Variants in VPS13B observed in about 807,000 individuals in gnomAD.
The protein encoded by VPS13B is intermembrane lipid transfer protein VPS13B.
A neutral mutation model predicts 426.4 loss-of-function variants in VPS13B; 285 were observed. That is an observed-to-expected ratio of 0.67 (90% confidence interval 0.61 to 0.74). VPS13B has a LOEUF of 0.74. Ranked by LOEUF, VPS13B falls within the 30% of genes least tolerant of loss-of-function variation. VPS13B has a pLI of 0.00. For synonymous variants in VPS13B, 1,676 were observed against 1,676.4 expected, an observed-to-expected ratio of 1.00 and a Z score of 0.01; for missense variants, 4,537 against 4,782.6, an observed-to-expected ratio of 0.95 and a Z score of 1.51.
At position 99,115,795 on chromosome 8, in the gene VPS13B, T is replaced by C; in HGVS notation, c.858T>C (p.Tyr286=). ...RIMQLGIALY[Y]GEIGNFKEGE... ...TGCAACTTGGAATTGCTCTTTACTA[T>C]GGAGAAATAGGCAATTTTAAAGAAG... The change falls in exon 7 of 62, where the codon TAT becomes TAC. Residue 286 remains tyrosine (Y), a synonymous_variant. Coordinates refer to ENST00000357162, the MANE Select transcript of VPS13B (RefSeq NM_152564.5). The C allele has an allele frequency of 6.2e-7, 1 of 1,613,762 alleles. No homozygotes were observed.
Position 99,875,896 on chromosome 8 carries a change from C to A in VPS13B, c.*230C>A. On this transcript the variant is annotated 3_prime_UTR_variant, in exon 62 of 62. Coordinates refer to ENST00000357162, the MANE Select transcript of VPS13B (RefSeq NM_152564.5). ...AAAGCCTAGGCAGCTCTAACATCAT[C>A]TGATATGGACACAAGGCCAACAGTT... 1.8e-6 allele frequency: 1 copy of A among 570,018 alleles called. No homozygotes were observed. Among genetic ancestry groups the A allele is most frequent in the Non-Finnish European group, 3.1e-6 (1 of 320,984 alleles). The allele number at this position is 570,018 out of a possible 1,614,324, so 35.3% of individuals were successfully genotyped here.
intron 39 of VPS13B, among the ~76,000 whole-genome samples, chr8:99,742,455 A>T (rs138073016): frequency 0.03 from 4,631 of 152,268 alleles, 214 homozygotes; most frequent in African/African-American, 0.1. Flanking sequence ...AAAACAGAGG[A>T]TCCTCCCTAA....
intron 19 of VPS13B, among the ~76,000 whole-genome samples, chr8:99,310,159 T>C (rs1486395130): frequency 6.6e-6 from 1 of 152,192 alleles, no homozygotes. Context: ...CTTTTCCTAA[T>C]TGAATACCCT....
intron 40 of VPS13B, among the ~76,000 whole-genome samples, chr8:99,768,694 A>G (rs1811346475): frequency 6.6e-6 from 1 of 152,184 alleles, no homozygotes; most frequent in African/African-American, 2.4e-5. Context: ...TTACTTTCCT[A>G]ACAGTTTAGC....
At position 99,014,015 on chromosome 8, in the gene VPS13B, T is replaced by C; in HGVS notation, c.147+80T>C. 3 of 1,599,256 alleles carry C rather than the reference T, an allele frequency of 1.9e-6. No homozygotes were observed. In the South Asian group the frequency reaches 3.3e-5, roughly 18 times the overall value. ...AATCTATTGTTTCCTAAGCTTTGAC[T>C]TTATGCTGTAAAAACGTAACTTTTC... On this transcript the variant is annotated intron_variant, in intron 2 of 61. Coordinates refer to ENST00000357162, the MANE Select transcript of VPS13B (RefSeq NM_152564.5).
intron 17 of VPS13B, among the ~76,000 whole-genome samples, chr8:99,267,991 T>C (rs1818397506): frequency 2.6e-5 from 4 of 152,140 alleles, no homozygotes; most frequent in African/African-American, 9.7e-5. Flanking sequence ...CCCGCCATTC[T>C]AGTCATGGGC....
At chr8:99,169,735 A>T (rs1283613963) in intron 15 of VPS13B, among the ~76,000 whole-genome samples, 1 of 152,036 alleles carries the variant, frequency 6.6e-6, no homozygotes, top group Non-Finnish European at 1.5e-5. Context: ...TGTATATTTT[A>T]GCAGATAATA....
intron 3 of VPS13B, among the ~76,000 whole-genome samples, chr8:99,045,263 G>GTAT (rs1843174812): frequency 6.6e-6 from 1 of 152,064 alleles, no homozygotes; most frequent in Admixed American, 6.6e-5. Context: ...GAGTAAGTTG[G>GTAT]TATCACATTG....
intron 43 of VPS13B, among the ~76,000 whole-genome samples, chr8:99,803,172 T>A (rs370644706): frequency 7.2e-5 from 11 of 152,226 alleles, no homozygotes; most frequent in Admixed American, 2.6e-4. Context: ...CATCAATAGG[T>A]ATTACAAGTA....
chr8:99,841,149 C>A (rs1815662433), intron 54 of VPS13B, among the ~76,000 whole-genome samples: 1 of 152,186 alleles, frequency 6.6e-6, no homozygotes, highest in Admixed American at 6.5e-5. Context: ...CCACTGTTTT[C>A]TTTTCATCTC....
At chr8:99,779,064 C>A in intron 42 of VPS13B, 33 bp downstream of exon 42, 1 of 1,580,676 alleles carries the variant, frequency 6.3e-7, no homozygotes, top group Non-Finnish European at 8.7e-7. Flanking sequence ...TACAGTTTGG[C>A]CACATATGAT....
At chr8:99,539,815 G>A (rs1191166536) in intron 30 of VPS13B, among the ~76,000 whole-genome samples, 1 of 150,906 alleles carries the variant, frequency 6.6e-6, no homozygotes, top group Non-Finnish European at 1.5e-5. Context: ...AATAAGTATT[G>A]ATGCTAACTT....
chr8:99,641,893 A>G lies in VPS13B; in HGVS notation c.5303A>G (p.Asp1768Gly), dbSNP rs1829384075. 2 of 1,613,994 alleles carry G rather than the reference A, an allele frequency of 1.2e-6. No individual in the cohort carries two copies. The highest frequency in any genetic ancestry group is 2.7e-5 in the African/African-American group (2 of 74,920). The change falls in exon 34 of 62, where the codon GAT (aspartate) becomes GGT (glycine). Residue 1768 changes from aspartate (D) to glycine (G), a missense_variant. Asp to Gly is a moderately conservative substitution (Grantham distance 94). This residue lies in a region of VPS13B where 4,311 missense variants were observed against 4,474.3 expected (regional missense o/e 0.96). Coordinates refer to ENST00000357162, the MANE Select transcript of VPS13B (RefSeq NM_152564.5). ...TCATCTCGCTACAGTGGTGCTCAGG[A>G]TAGTGGAATTGGCAGTGACAGTGTT... ...ETSSRYSGAQ[D>G]SGIGSDSVKI...
chr8:99,269,910 A>G (rs1476520633), intron 17 of VPS13B, among the ~76,000 whole-genome samples: 2 of 152,052 alleles, frequency 1.3e-5, no homozygotes, highest in Non-Finnish European at 2.9e-5. Context: ...TAACTTTTAT[A>G]TAAAAATCCC....
chr8:99,759,603 C>A (rs1810820277), intron 39 of VPS13B, among the ~76,000 whole-genome samples: 1 of 152,138 alleles, frequency 6.6e-6, no homozygotes, highest in Non-Finnish European at 1.5e-5. Flanking sequence ...TTGCCAACCC[C>A]TTATTCAGTA....
intron 19 of VPS13B, among the ~76,000 whole-genome samples, chr8:99,310,192 T>A (rs1030015316): frequency 3.3e-5 from 5 of 152,192 alleles, no homozygotes; most frequent in African/African-American, 1.2e-4. Flanking sequence ...CCTGCCTGAT[T>A]GCCCTGGCCA....
chr8:99,343,163 G>A (rs1304521625), intron 19 of VPS13B, among the ~76,000 whole-genome samples: 1 of 150,720 alleles, frequency 6.6e-6, no homozygotes, highest in African/African-American at 2.4e-5. Context: ...GCACAATCTC[G>A]GCTCACTGCA....
At chr8:99,421,442 T>C (rs1428966792) in intron 21 of VPS13B, among the ~76,000 whole-genome samples, 2 of 152,172 alleles carry the variant, frequency 1.3e-5, no homozygotes, top group African/African-American at 2.4e-5. Context: ...GTACATTTGA[T>C]AAAACTAGGA....
intron 21 of VPS13B, among the ~76,000 whole-genome samples, chr8:99,401,826 A>G (rs937026318): frequency 6.6e-6 from 1 of 152,206 alleles, no homozygotes. Context: ...AGATCGCGCC[A>G]CTGCACCCAA....
Sources: allele counts gnomAD v4.1 joint callset (sites outside exome capture counted in the v4.1 genomes callset), GRCh38; gene constraint gnomAD v4.1.1; regional missense constraint gnomAD v4.1.1; transcripts MANE v1.5; gene names NCBI Gene and HGNC (gene_info 2026-07-23, HGNC 2026-07-21).